The following ZFPM1 variants were observed in gnomAD, a reference collection of about 807,000 sequenced individuals.
ZFPM1 encodes zinc finger protein ZFPM1.
A neutral mutation model predicts 46.3 loss-of-function variants in ZFPM1; 28 were observed. That is an observed-to-expected ratio of 0.60 (90% CI 0.45 to 0.83). The LOEUF (loss-of-function observed/expected upper bound fraction) is 0.83. Ranked by LOEUF, ZFPM1 falls within the 40% of genes least tolerant of loss-of-function variation. The probability of loss-of-function intolerance (pLI) is 0.00; values close to 1 mark genes in which losing one functional copy is unlikely to be tolerated. For missense variants in ZFPM1, 1,878 were observed against 1,432.4 expected (o/e 1.31, Z -5.02); for synonymous variants, 957 against 675.9 (o/e 1.42, Z -6.45).
Position 88,453,606 on chromosome 16 carries a change from G to A in ZFPM1, c.-33G>A, listed in dbSNP as rs1269716011. ...CGCCGCCGCCCGCCCGGGGCTAGAG[G>A]CGGCCGCCGGGAGGGCGCGCGGCGC... On this transcript the variant is annotated 5_prime_UTR_variant, in exon 1 of 10. Transcript: ENST00000319555. 1.0e-5 allele frequency: 11 copies of A among 1,080,890 alleles called. No homozygotes were observed. The highest frequency in any genetic ancestry group is 4.0e-4 in the Middle Eastern group (1 of 2,470). The allele number at this position is 1,080,890 out of a possible 1,614,324, so 67.0% of individuals were successfully genotyped here.
intron 3 of ZFPM1, among the ~76,000 whole-genome samples, chr16:88,490,593 G>A (rs769394695): frequency 2.6e-5 from 4 of 152,182 alleles, no homozygotes; most frequent in African/African-American, 9.7e-5. Flanking sequence ...AGGGGAGAGT[G>A]CACGATGGGT....
intron 4 of ZFPM1, among the ~76,000 whole-genome samples, chr16:88,519,130 G>GGGTGGA (rs1911602126): frequency 3.3e-5 from 4 of 121,262 alleles, no homozygotes; most frequent in Non-Finnish European, 5.0e-5. Flanking sequence ...GGATGGATGG[G>GGGTGGA]TGGATGGATG....
Position 88,534,289 on chromosome 16 carries a change from C to A in ZFPM1, c.2331C>A (p.Ser777Arg). Reference sequence around the variant, plus strand: ...CGCGGCCCGGAAGCGGAAGCGGAAGCGGCCCCGGCCTCGCCCCTGCGCGCT... The same window carrying A: ...CGCGGCCCGGAAGCGGAAGCGGAAGAGGCCCCGGCCTCGCCCCTGCGCGCT... ...ESPRPGSGSG[S>R]GPGLAPARSP... The change falls in exon 10 of 10, where the codon AGC becomes AGA. Residue 777 changes from serine to arginine, a missense_variant. Physicochemically the swap from Ser to Arg is moderately radical, Grantham distance 110. Coordinates refer to ENST00000319555, the MANE Select transcript of ZFPM1 (RefSeq NM_153813.3). 8.5e-7 allele frequency: 1 copy of A among 1,177,608 alleles called. No individual in the cohort carries two copies. The highest frequency in any genetic ancestry group is 1.0e-6 in the Non-Finnish European group (1 of 956,490). 72.9% of individuals were successfully genotyped at this position (1,177,608 alleles called of 1,614,324 possible). A position where few individuals can be genotyped will look rare whatever the true frequency, so the allele number is the denominator to read the frequency against.
At chr16:88,513,976 C>T (rs1911126320) in intron 3 of ZFPM1, among the ~76,000 whole-genome samples, 1 of 152,238 alleles carries the variant, frequency 6.6e-6, no homozygotes, top group Non-Finnish European at 1.5e-5. Flanking sequence ...TTTGCAAAGA[C>T]CCTTTTTCCA....
At chr16:88,505,280 C>T (rs1277336689) in intron 3 of ZFPM1, among the ~76,000 whole-genome samples, 1 of 152,174 alleles carries the variant, frequency 6.6e-6, no homozygotes, top group East Asian at 1.9e-4. Flanking sequence ...TGTGGAAGGG[C>T]AGCCCAGAGC....
intron 3 of ZFPM1, among the ~76,000 whole-genome samples, chr16:88,503,593 CT>C (rs2142406430): frequency 6.6e-6 from 1 of 152,310 alleles, no homozygotes; most frequent in Non-Finnish European, 1.5e-5. Flanking sequence ...AGCTGCCTCT[CT>C]GTGGAGCCAG....
chr16:88,475,908 C>T (rs1361125751), intron 1 of ZFPM1, among the ~76,000 whole-genome samples: 3 of 152,300 alleles, frequency 2.0e-5, no homozygotes, highest in East Asian at 1.9e-4. Context: ...AGAGGCTGGG[C>T]GTGGCTGTGG....
At chr16:88,513,379 G>A (rs1268115011) in intron 3 of ZFPM1, 2 of 152,344 alleles carry the variant, frequency 1.3e-5, no homozygotes, top group Non-Finnish European at 2.9e-5. Context: ...TCTGCCATTA[G>A]GCAAGCAGCT....
intron 1 of ZFPM1, among the ~76,000 whole-genome samples, chr16:88,484,043 G>A (rs1039203102): frequency 1.9e-4 from 29 of 152,204 alleles, no homozygotes; most frequent in African/African-American, 6.3e-4. Context: ...TGTTTCGGGC[G>A]TTAGCAGGCT....
intron 1 of ZFPM1, among the ~76,000 whole-genome samples, chr16:88,485,537 T>C (rs1173722961): frequency 6.6e-6 from 1 of 151,186 alleles, no homozygotes; most frequent in African/African-American, 2.4e-5. Context: ...ACTCCCAGTC[T>C]CAAGCGATCC....
intron 3 of ZFPM1, among the ~76,000 whole-genome samples, chr16:88,505,654 A>T (rs183488213): frequency 2.1e-3 from 313 of 152,188 alleles, no homozygotes; most frequent in Middle Eastern, 0.01. Context: ...GGCATCTACC[A>T]TTCCCTGGAG....
chr16:88,460,570 GT>G (rs1907772102), intron 1 of ZFPM1, among the ~76,000 whole-genome samples: 1 of 152,234 alleles, frequency 6.6e-6, no homozygotes, highest in African/African-American at 2.4e-5. Flanking sequence ...CAGCCTTCAT[GT>G]TTAGCACGTG....
intron 2 of ZFPM1, 143 bp downstream of exon 2, chr16:88,486,186 G>A (rs1909214213): frequency 1.1e-6 from 1 of 886,550 alleles, no homozygotes; most frequent in East Asian, 2.7e-5. Flanking sequence ...TCCAGCCAGA[G>A]GCCTGTTGCC....
chr16:88,510,126 G>A (rs373307648), intron 3 of ZFPM1, among the ~76,000 whole-genome samples: 15 of 152,116 alleles, frequency 9.9e-5, no homozygotes, highest in African/African-American at 3.1e-4. Flanking sequence ...CTAACCTCAC[G>A]GCACGAGCCC....
upstream of ZFPM1, among the ~76,000 whole-genome samples, chr16:88,453,091 G>T (rs1025289886): frequency 1.5e-4 from 22 of 150,574 alleles, no homozygotes; most frequent in African/African-American, 5.4e-4. Flanking sequence ...CGGGGGCGCG[G>T]TCGCGGCTCT....
chr16:88,490,512 C>T (rs1029001623), intron 3 of ZFPM1, among the ~76,000 whole-genome samples: 15 of 152,312 alleles, frequency 9.8e-5, no homozygotes, highest in African/African-American at 3.1e-4. Context: ...GGAAAGGCTT[C>T]GCTGAGGCAG....
At chr16:88,462,782 C>G (rs1907956810) in intron 1 of ZFPM1, among the ~76,000 whole-genome samples, 1 of 152,210 alleles carries the variant, frequency 6.6e-6, no homozygotes, top group Admixed American at 6.5e-5. Flanking sequence ...GGCTGGGCTC[C>G]AGGGTTGCCC....
At chr16:88,452,244 G>A (rs1907310792), upstream of ZFPM1, among the ~76,000 whole-genome samples, 1 of 152,200 alleles carries the variant, frequency 6.6e-6, no homozygotes. Flanking sequence ...GCAAGTCCCC[G>A]AGCCTCCGTG....
intron 3 of ZFPM1, among the ~76,000 whole-genome samples, chr16:88,491,050 G>C (rs139558152): frequency 0.036 from 5,305 of 149,172 alleles, 129 homozygotes; most frequent in Non-Finnish European, 0.05. Flanking sequence ...GCCTTCGGGG[G>C]TCTCGGTCAG....
Sources: allele counts gnomAD v4.1 joint callset (sites outside exome capture counted in the v4.1 genomes callset), GRCh38; gene constraint gnomAD v4.1.1; transcripts MANE v1.5; gene names NCBI Gene and HGNC (gene_info 2026-07-23, HGNC 2026-07-21).